Variants in PELI2 observed in about 807,000 individuals in gnomAD.
PELI2 encodes pellino E3 ubiquitin protein ligase family member 2, also known as E3 ubiquitin-protein ligase pellino homolog 2.
Under a neutral mutation model 42.3 loss-of-function variants are expected in PELI2, and 23 were observed. The observed-to-expected ratio is 0.54, with a 90% CI of 0.39 to 0.77. PELI2 has a LOEUF of 0.77. Among genes scored for constraint, PELI2 ranks in the 30% least tolerant of loss-of-function variants. PELI2 has a pLI of 0.00. For missense variants in PELI2, 463 were observed against 553.2 expected (o/e 0.84, Z 1.64); for synonymous variants, 245 against 212.2 (o/e 1.15, Z -1.34).
intron 1 of PELI2, among the ~76,000 whole-genome samples, chr14:56,125,167 C>G (rs962999489): frequency 6.6e-6 from 1 of 152,120 alleles, no homozygotes; most frequent in African/African-American, 2.4e-5. Flanking sequence ...GTTCGGGTAC[C>G]TCCTGAGACC....
intron 2 of PELI2, among the ~76,000 whole-genome samples, chr14:56,278,165 A>G (rs1367995556): frequency 1.3e-5 from 2 of 152,230 alleles, no homozygotes; most frequent in Admixed American, 6.5e-5. Context: ...TGTTAGTTTT[A>G]TAAGTTTGAG....
At chr14:56,267,292 G>A (rs1204099515) in intron 2 of PELI2, among the ~76,000 whole-genome samples, 2 of 152,136 alleles carry the variant, frequency 1.3e-5, no homozygotes, top group African/African-American at 4.8e-5. Context: ...GTACTTTGCA[G>A]ACATCATCTG....
In PELI2 at chr14:56,296,750, CAG is replaced by C; in HGVS notation, c.848_849del (p.Gln283LeufsTer44). On this transcript the variant is annotated frameshift_variant, in exon 6 of 6. Transcript: ENST00000267460. LOFTEE classifies it high-confidence loss of function. ...GCAGGAGATTAACGCCGCCCGGCCT[CAG>C]TGTCCTGTGGGGCTCAACACCCTGG... ...LRQEINAARP[Q>X]CPVGLNTLAF... is the part of the protein sequence containing the mutation. 1 of 1,614,092 alleles carries C rather than the reference CAG, an allele frequency of 6.2e-7. No homozygotes were observed. The highest frequency in any genetic ancestry group is 8.5e-7 in the Non-Finnish European group (1 of 1,180,020).
At chr14:56,130,310 G>A (rs1673979111) in intron 1 of PELI2, among the ~76,000 whole-genome samples, 1 of 152,306 alleles carries the variant, frequency 6.6e-6, no homozygotes, top group Middle Eastern at 3.4e-3. Context: ...ATGAAACTGA[G>A]TCGTGATGCT....
At chr14:56,178,925 T>A (rs1315873291) in intron 2 of PELI2, among the ~76,000 whole-genome samples, 1 of 152,154 alleles carries the variant, frequency 6.6e-6, no homozygotes, top group African/African-American at 2.4e-5. Flanking sequence ...GTTAATTGAG[T>A]GTAGTAGGTG....
intron 2 of PELI2, among the ~76,000 whole-genome samples, chr14:56,190,717 C>A (rs1275297267): frequency 6.6e-6 from 1 of 152,130 alleles, no homozygotes; most frequent in African/African-American, 2.4e-5. Flanking sequence ...ATATAATATT[C>A]CATTGTGTGA....
At chr14:56,160,972 G>C (rs1374691612) in intron 1 of PELI2, among the ~76,000 whole-genome samples, 1 of 152,020 alleles carries the variant, frequency 6.6e-6, no homozygotes, top group East Asian at 1.9e-4. Flanking sequence ...ACTTTTATTG[G>C]GCCCCTCCTC....
In PELI2 at chr14:56,288,722, T is replaced by A. The variant is rs1412077046; in HGVS notation, c.507+88T>A. Reference sequence around the variant, plus strand: ...TTAATTGGAGCAAAAAAAAATTGGCTTTGTATGTTGCCTCTAGTGAGATTT... The same window carrying A: ...TTAATTGGAGCAAAAAAAAATTGGCATTGTATGTTGCCTCTAGTGAGATTT... On this transcript the variant is annotated intron_variant, in intron 4 of 5. Coordinates refer to ENST00000267460, the MANE Select transcript of PELI2 (RefSeq NM_021255.3). The surrounding 1 kb of genome is among the most constrained non-coding windows in gnomAD (Gnocchi z 4.6). 2 of 1,006,650 alleles carry A rather than the reference T, an allele frequency of 2.0e-6. No individual in the cohort carries two copies. The highest frequency in any genetic ancestry group is 3.0e-6 in the Non-Finnish European group (2 of 664,748). The allele number at this position is 1,006,650 out of a possible 1,614,324, so 62.4% of individuals were successfully genotyped here.
At chr14:56,119,645 A>T in intron 1 of PELI2, 1 of 355,030 alleles carries the variant, frequency 2.8e-6, no homozygotes. Context: ...TACCCTTAAT[A>T]AGCCAGGAGA....
At chr14:56,147,513 T>G (rs914337439) in intron 1 of PELI2, among the ~76,000 whole-genome samples, 3 of 152,346 alleles carry the variant, frequency 2.0e-5, no homozygotes, top group Admixed American at 2.0e-4. Flanking sequence ...ACATTCTGAA[T>G]TCCTACACCA....
At chr14:56,221,356 G>T (rs1887126324) in intron 2 of PELI2, among the ~76,000 whole-genome samples, 1 of 152,172 alleles carries the variant, frequency 6.6e-6, no homozygotes, top group South Asian at 2.1e-4. Flanking sequence ...TGCAGTGTTG[G>T]CAGCAGGTTC....
chr14:56,179,086 GT>G (rs1885490326), intron 2 of PELI2, among the ~76,000 whole-genome samples: 1 of 151,856 alleles, frequency 6.6e-6, no homozygotes, highest in African/African-American at 2.4e-5. Flanking sequence ...AAAAAAACTG[GT>G]TATTTGTTTT....
intron 1 of PELI2, among the ~76,000 whole-genome samples, chr14:56,157,386 A>T (rs963468095): frequency 5.9e-5 from 9 of 152,230 alleles, no homozygotes; most frequent in Non-Finnish European, 7.3e-5. Flanking sequence ...TTATATGTAG[A>T]TATTCTAGAA....
At chr14:56,167,200 A>G (rs951165578) in intron 1 of PELI2, among the ~76,000 whole-genome samples, 1 of 152,144 alleles carries the variant, frequency 6.6e-6, no homozygotes, top group Admixed American at 6.5e-5. Context: ...GTAGTTGGAT[A>G]TTGCTATCTT....
intron 2 of PELI2, among the ~76,000 whole-genome samples, chr14:56,201,102 T>C (rs1234341774): frequency 2.0e-5 from 3 of 149,514 alleles, no homozygotes; most frequent in Non-Finnish European, 3.0e-5. Context: ...GCCTGGAACA[T>C]GCGCCCTGCA....
rs950665252 is a variant in PELI2, at chr14:56,254,732, A to G, written c.208-24944A>G. On this transcript the variant is annotated intron_variant, in intron 2 of 5. Coordinates refer to ENST00000267460, the MANE Select transcript of PELI2 (RefSeq NM_021255.3). ...TACAGAATGGGAGAAAATTTTTGCAATCTTTCCCGTCTGACAAAGGGCTAA... is the reference window on the plus strand; with the variant it reads ...TACAGAATGGGAGAAAATTTTTGCAGTCTTTCCCGTCTGACAAAGGGCTAA... Among the ~76,000 whole-genome samples, 6 of 152,186 alleles carry G rather than the reference A, an allele frequency of 3.9e-5. No homozygotes were observed. In the South Asian group the frequency reaches 6.2e-4, roughly 16 times the overall value.
chr14:56,210,807 C>G (rs932824020), intron 2 of PELI2, among the ~76,000 whole-genome samples: 2 of 152,244 alleles, frequency 1.3e-5, no homozygotes, highest in East Asian at 1.9e-4. Context: ...TCCCTGTGGT[C>G]GGTAAGTTGA....
At chr14:56,263,969 A>C (rs1273967298) in intron 2 of PELI2, among the ~76,000 whole-genome samples, 1 of 152,224 alleles carries the variant, frequency 6.6e-6, no homozygotes, top group Admixed American at 6.5e-5. Context: ...AAAAAATGTA[A>C]AACACAGTTG....
rs1890062488 is a variant in PELI2 at position 56,297,839 on chromosome 14, A to G, written c.*673A>G. 1 of 152,024 alleles carries G rather than the reference A, an allele frequency of 6.6e-6. No homozygotes were observed. Among genetic ancestry groups the G allele is most frequent in the Non-Finnish European group, 1.5e-5 (1 of 68,022 alleles). The allele number at this position is 152,024 out of a possible 1,614,324, so 9.4% of individuals were successfully genotyped here. A position where few individuals can be genotyped will look rare whatever the true frequency, so the allele number is the denominator to read the frequency against. On this transcript the variant is annotated 3_prime_UTR_variant, in exon 6 of 6. Coordinates refer to ENST00000267460, the MANE Select transcript of PELI2 (RefSeq NM_021255.3). ...TCATCAAATACATGGGACTTCACAA[A>G]CAATTTTCCATAACTTTTTAGCCTG... is the stretch of plus-strand genomic sequence containing the variant.
Sources: allele counts gnomAD v4.1 joint callset (sites outside exome capture counted in the v4.1 genomes callset), GRCh38; gene constraint gnomAD v4.1.1; non-coding constraint Gnocchi (gnomAD v3.1); transcripts MANE v1.5; gene names NCBI Gene and HGNC (gene_info 2026-07-23, HGNC 2026-07-21).